PAX5: variants seen among roughly 807,000 people sequenced by gnomAD.
PAX5 encodes the protein paired box 5.
PAX5 carries 9 observed loss-of-function variants against 43.7 expected under a neutral mutation model. That is an observed-to-expected ratio of 0.21 (90% CI 0.12 to 0.36). The LOEUF (loss-of-function observed/expected upper bound fraction) is 0.36. Among genes scored for constraint, PAX5 ranks in the 10% least tolerant of loss-of-function variants. The pLI is 1.00. For synonymous variants in PAX5, 228 were observed against 214.3 expected, an observed-to-expected ratio of 1.06 and a Z score of -0.56; for missense variants, 383 against 532.7, an observed-to-expected ratio of 0.72 and a Z score of 2.77.
chr9:36,983,349 T>C (rs1836097789), intron 5 of PAX5, among the ~76,000 whole-genome samples: 1 of 152,238 alleles, frequency 6.6e-6, no homozygotes, highest in South Asian at 2.1e-4. Flanking sequence ...AGCTGCTGCA[T>C]TCATGGAGAT....
intron 6 of PAX5, among the ~76,000 whole-genome samples, chr9:36,938,031 GGAGA>G (rs1831710321): frequency 1.3e-5 from 2 of 152,218 alleles, no homozygotes; most frequent in Non-Finnish European, 2.9e-5. Context: ...ACTAAAGGAA[GGAGA>G]CACTAGGCTT....
At chr9:36,891,424 A>G (rs1316888211) in intron 7 of PAX5, among the ~76,000 whole-genome samples, 1 of 152,226 alleles carries the variant, frequency 6.6e-6, no homozygotes, top group Non-Finnish European at 1.5e-5. Context: ...CGTAGTGCAT[A>G]CGCCGCCAGG....
chr9:36,986,134 C>T (rs565064487), intron 5 of PAX5, among the ~76,000 whole-genome samples: 53 of 151,952 alleles, frequency 3.5e-4, no homozygotes, highest in African/African-American at 1.3e-3. Context: ...GCCCAGCTCC[C>T]GGCTGCCGCC....
intron 8 of PAX5, among the ~76,000 whole-genome samples, chr9:36,861,600 C>T (rs1824219060): frequency 6.6e-6 from 1 of 151,802 alleles, no homozygotes; most frequent in Non-Finnish European, 1.5e-5. Context: ...CAAGAGTTTG[C>T]CATATGAATA....
chr9:37,017,121 A>G (rs1373751877), intron 2 of PAX5, among the ~76,000 whole-genome samples: 1 of 152,236 alleles, frequency 6.6e-6, no homozygotes, highest in Non-Finnish European at 1.5e-5. Context: ...GCACACAGCA[A>G]TCTCTGCAGT....
At chr9:37,028,508 G>A (rs1840654620) in intron 1 of PAX5, among the ~76,000 whole-genome samples, 1 of 152,212 alleles carries the variant, frequency 6.6e-6, no homozygotes, top group Non-Finnish European at 1.5e-5. Flanking sequence ...GCGCACCTGG[G>A]TGGAGGGGCT....
intron 6 of PAX5, among the ~76,000 whole-genome samples, chr9:36,926,224 C>T (rs756755547): frequency 6.6e-6 from 1 of 152,150 alleles, no homozygotes; most frequent in Non-Finnish European, 1.5e-5. Context: ...CCCTAATGAT[C>T]TTTATACTCT....
chr9:36,909,400 C>T (rs1434343331), intron 7 of PAX5, among the ~76,000 whole-genome samples: 2 of 152,172 alleles, frequency 1.3e-5, no homozygotes, highest in African/African-American at 2.4e-5. Context: ...TATTCCAGGC[C>T]CTTCCCAGCG....
intron 6 of PAX5, among the ~76,000 whole-genome samples, chr9:36,933,449 G>C (rs1831289076): frequency 6.6e-6 from 1 of 152,188 alleles, no homozygotes; most frequent in Non-Finnish European, 1.5e-5. Flanking sequence ...AGTTTGCAAA[G>C]TCCTTGCAGG....
chr9:37,020,821 A>G lies in PAX5; in HGVS notation c.47-20T>C. 1 of 1,612,900 alleles carries G rather than the reference A, an allele frequency of 6.2e-7. No individual in the cohort carries two copies. The highest frequency in any genetic ancestry group is 2.2e-5 in the East Asian group (1 of 44,852). ...CATGTCCTGAAACAGATCAGAAACA[A>G]AAGGAAAGGGAAAGGGTAGTTAGAA... is the stretch of plus-strand genomic sequence containing the variant. On this transcript the variant is annotated intron_variant, in intron 1 of 9. Coordinates refer to ENST00000358127, the MANE Select transcript of PAX5 (RefSeq NM_016734.3).
At chr9:36,962,324 C>T (rs1465594062) in intron 6 of PAX5, among the ~76,000 whole-genome samples, 1 of 152,204 alleles carries the variant, frequency 6.6e-6, no homozygotes, top group Non-Finnish European at 1.5e-5. Flanking sequence ...GCCCATGGAA[C>T]CATCTTGCAT....
intron 1 of PAX5, among the ~76,000 whole-genome samples, chr9:37,022,375 G>A (rs1564086665): frequency 6.6e-6 from 1 of 152,250 alleles, no homozygotes; most frequent in Non-Finnish European, 1.5e-5. Context: ...CTGGCCAAGA[G>A]CCTTCAGAAG....
At chr9:36,908,520 T>G (rs1024114764) in intron 7 of PAX5, among the ~76,000 whole-genome samples, 12 of 152,222 alleles carry the variant, frequency 7.9e-5, no homozygotes, top group African/African-American at 2.9e-4. Context: ...TAGACTAGGC[T>G]GATGTCTGAC....
At position 36,906,267 on chromosome 9, in the gene PAX5, G is replaced by C. The variant is rs149512265; in HGVS notation, c.910+17088C>G. 3.3e-5 allele frequency among the ~76,000 whole-genome samples: 5 copies of C among 152,314 alleles called. No homozygotes were observed. The East Asian group carries it at 9.7e-4, about 29-fold the overall frequency. On this transcript the variant is annotated intron_variant, in intron 7 of 9. Transcript: ENST00000358127. ...TAAATTGAGGTATTTGCGATGTGGAGAGCGTGTGGATCACCCAGGTGAGCC... is the reference window on the plus strand; with the variant it reads ...TAAATTGAGGTATTTGCGATGTGGACAGCGTGTGGATCACCCAGGTGAGCC...
intron 6 of PAX5, among the ~76,000 whole-genome samples, chr9:36,962,068 G>A (rs913720831): frequency 7.2e-5 from 11 of 152,200 alleles, no homozygotes; most frequent in African/African-American, 2.2e-4. Flanking sequence ...AGATCTTGGC[G>A]GGAAAAGCTG....
intron 6 of PAX5, among the ~76,000 whole-genome samples, chr9:36,962,061 T>A (rs1236567764): frequency 6.6e-6 from 1 of 152,216 alleles, no homozygotes; most frequent in African/African-American, 2.4e-5. Context: ...CCCAGGTAGA[T>A]CTTGGCGGGA....
chr9:36,995,723 A>G (rs1263203887), intron 5 of PAX5, among the ~76,000 whole-genome samples: 1 of 152,090 alleles, frequency 6.6e-6, no homozygotes, highest in Non-Finnish European at 1.5e-5. Flanking sequence ...CGAATGACGG[A>G]GCGGGGCGTC....
chr9:36,920,529 G>T (rs1830081876), intron 7 of PAX5, among the ~76,000 whole-genome samples: 1 of 152,176 alleles, frequency 6.6e-6, no homozygotes, highest in Non-Finnish European at 1.5e-5. Flanking sequence ...TTAAATTAAG[G>T]TATGTGTCTT....
At position 36,882,726 on chromosome 9, in the gene PAX5, A is replaced by G. The variant is rs928252644; in HGVS notation, c.911-621T>C. 3.3e-5 allele frequency among the ~76,000 whole-genome samples: 5 copies of G among 152,072 alleles called. No homozygotes were observed. The highest frequency in any genetic ancestry group is 6.6e-5 in the Admixed American group (1 of 15,256). On this transcript the variant is annotated intron_variant, in intron 7 of 9. Transcript: ENST00000358127. This position sits in a 1 kb window ranked among gnomAD's most constrained non-coding sequence, Gnocchi z 4.4. The stretch of plus-strand genomic sequence containing the variant: ...TTCATTCAGTGAAGATGCAGGAAGC[A>G]CCTCCCAGTGCCAAACACTGTTCTG...
Sources: allele counts gnomAD v4.1 joint callset (sites outside exome capture counted in the v4.1 genomes callset), GRCh38; gene constraint gnomAD v4.1.1; non-coding constraint Gnocchi (gnomAD v3.1); transcripts MANE v1.5; gene names NCBI Gene and HGNC (gene_info 2026-07-23, HGNC 2026-07-21).